Variants in FGF12 observed in about 807,000 individuals in gnomAD.
FGF12 encodes the protein fibroblast growth factor 12B.
A neutral mutation model predicts 23.6 loss-of-function variants in FGF12; 14 were observed. That is an observed-to-expected ratio of 0.59 (90% CI 0.39 to 0.93). The LOEUF (loss-of-function observed/expected upper bound fraction) is 0.93. FGF12 is among the 40% of genes least tolerant of loss of function. FGF12 has a pLI of 0.00. For missense variants in FGF12, 175 were observed against 217.8 expected (o/e 0.80, Z 1.24); for synonymous variants, 62 against 77.3 (o/e 0.80, Z 1.04).
At chr3:192,232,154 A>T (rs1719055932) in intron 4 of FGF12, among the ~76,000 whole-genome samples, 1 of 152,112 alleles carries the variant, frequency 6.6e-6, no homozygotes. Context: ...TATATGTGGT[A>T]GCTCTTTCCC....
intron 4 of FGF12, among the ~76,000 whole-genome samples, chr3:192,277,703 C>A (rs1713879945): frequency 6.6e-6 from 1 of 152,198 alleles, no homozygotes; most frequent in Admixed American, 6.5e-5. Context: ...CACCGCCCAG[C>A]ATCTGTATGA....
At chr3:192,548,298 T>A (rs1050345327) in intron 2 of FGF12, among the ~76,000 whole-genome samples, 1 of 152,128 alleles carries the variant, frequency 6.6e-6, no homozygotes, top group Non-Finnish European at 1.5e-5. Context: ...ATACACATGT[T>A]TAAAAATATA....
rs76031307 is a variant in FGF12, at chr3:192,276,037, C to T, written c.228+59324G>A. Reference sequence around the variant, plus strand: ...CACCTACTGATAAGGGATGGAATAACGTTACTTACTTTTCTAGATTATCAA... The same window carrying T: ...CACCTACTGATAAGGGATGGAATAATGTTACTTACTTTTCTAGATTATCAA... On this transcript the variant is annotated intron_variant, in intron 4 of 5. Transcript: ENST00000445105. 6.4e-3 allele frequency among the ~76,000 whole-genome samples: 978 copies of T among 152,248 alleles called. 11 individuals carry two copies. The highest frequency in any genetic ancestry group is 0.023 in the African/African-American group (943 of 41,532).
At chr3:192,500,100 C>T (rs762269544) in intron 2 of FGF12, among the ~76,000 whole-genome samples, 1 of 152,176 alleles carries the variant, frequency 6.6e-6, no homozygotes. Flanking sequence ...TGCACTTACA[C>T]CTTTCTGAGA....
Position 192,139,824 on chromosome 3 carries a change from A to G in FGF12, c.*4185T>C, listed in dbSNP as rs1713270052. 1 of 152,128 alleles carries G rather than the reference A, an allele frequency of 6.6e-6. No homozygotes were observed. The highest frequency in any genetic ancestry group is 6.5e-5 in the Admixed American group (1 of 15,270). The allele number at this position is 152,128 out of a possible 1,614,324, so 9.4% of individuals were successfully genotyped here. On this transcript the variant is annotated 3_prime_UTR_variant, in exon 6 of 6. Transcript: ENST00000445105. ...TGAATTTTTAACTTGGGCTCCAGGA[A>G]AAATCCTGAAAAAGAAAGATCAGCA... is the stretch of plus-strand genomic sequence containing the variant.
chr3:192,436,646 C>G (rs1038589364), intron 2 of FGF12, among the ~76,000 whole-genome samples: 4 of 152,154 alleles, frequency 2.6e-5, no homozygotes, highest in African/African-American at 9.7e-5. Context: ...GGTTAGATTG[C>G]ACAATGTCAG....
chr3:192,465,432 A>G (rs1282740365), intron 2 of FGF12, among the ~76,000 whole-genome samples: 1 of 152,188 alleles, frequency 6.6e-6, no homozygotes, highest in Non-Finnish European at 1.5e-5. Context: ...CTTGCCCTAC[A>G]CTCAGAATCT....
chr3:192,326,742 T>G (rs1716840897), intron 4 of FGF12, among the ~76,000 whole-genome samples: 1 of 152,220 alleles, frequency 6.6e-6, no homozygotes, highest in East Asian at 1.9e-4. Flanking sequence ...AACACTGTAG[T>G]ATGGCACATC....
chr3:192,688,984 A>G (rs1393511002), intron 2 of FGF12, among the ~76,000 whole-genome samples: 1 of 152,226 alleles, frequency 6.6e-6, no homozygotes, highest in Non-Finnish European at 1.5e-5. Flanking sequence ...AAATAAGCCA[A>G]TCACAGAAAG....
intron 2 of FGF12, among the ~76,000 whole-genome samples, chr3:192,410,175 G>A (rs2108777898): frequency 6.6e-6 from 1 of 152,256 alleles, no homozygotes; most frequent in East Asian, 1.9e-4. Flanking sequence ...GCTGGGGGCC[G>A]GGCCCCTGGA....
intron 2 of FGF12, among the ~76,000 whole-genome samples, chr3:192,635,810 AG>A (rs1715559149): frequency 1.3e-5 from 2 of 152,190 alleles, no homozygotes; most frequent in African/African-American, 2.4e-5. Context: ...AGTTCTATGG[AG>A]AAGTCTGGAT....
At chr3:192,519,906 T>C (rs980444201) in intron 2 of FGF12, among the ~76,000 whole-genome samples, 3 of 152,272 alleles carry the variant, frequency 2.0e-5, no homozygotes, top group African/African-American at 7.2e-5. Flanking sequence ...TGATTTGCTA[T>C]TGTGTCCTTT....
chr3:192,709,754 A>G (rs13059914), intron 2 of FGF12, among the ~76,000 whole-genome samples: 1 of 151,962 alleles, frequency 6.6e-6, no homozygotes, highest in Non-Finnish European at 1.5e-5. Context: ...CACATTTCCA[A>G]TCATGAGTTT....
chr3:192,619,798 T>C (rs7617380), intron 2 of FGF12, among the ~76,000 whole-genome samples: 21,573 of 152,148 alleles, frequency 0.14, 1,918 homozygotes, highest in African/African-American at 0.25. Flanking sequence ...TTGTTAGACC[T>C]ATGTTTTCTT....
chr3:192,437,723 A>C (rs111862471), intron 2 of FGF12, among the ~76,000 whole-genome samples: 2,369 of 136,240 alleles, frequency 0.017, 27 homozygotes, highest in Non-Finnish European at 0.028. Context: ...AACAAACAAA[A>C]AAAAAAACAG....
intron 2 of FGF12, among the ~76,000 whole-genome samples, chr3:192,462,223 G>A (rs913502002): frequency 6.6e-6 from 1 of 152,128 alleles, no homozygotes; most frequent in Non-Finnish European, 1.5e-5. Context: ...AGATTATTAT[G>A]GTTTGAGTAT....
chr3:192,414,048 C>T (rs951958490), intron 2 of FGF12, among the ~76,000 whole-genome samples: 5 of 152,154 alleles, frequency 3.3e-5, no homozygotes, highest in Non-Finnish European at 7.4e-5. Context: ...ATATGTCCAT[C>T]TGGTTTTGAT....
At chr3:192,295,146 C>T (rs1466912617) in intron 4 of FGF12, among the ~76,000 whole-genome samples, 3 of 152,206 alleles carry the variant, frequency 2.0e-5, no homozygotes, top group Admixed American at 1.3e-4. Flanking sequence ...CCACCTCCTA[C>T]TCTCTCTGGC....
chr3:192,320,548 A>T (rs1415201082), intron 4 of FGF12, among the ~76,000 whole-genome samples: 1 of 152,200 alleles, frequency 6.6e-6, no homozygotes, highest in Non-Finnish European at 1.5e-5. Context: ...AGGATAGACC[A>T]TATGCTAGGT....
Sources: allele counts gnomAD v4.1 joint callset (sites outside exome capture counted in the v4.1 genomes callset), GRCh38; gene constraint gnomAD v4.1.1; transcripts MANE v1.5; gene names NCBI Gene and HGNC (gene_info 2026-07-23, HGNC 2026-07-21).